Variants in ZNF250 observed in about 807,000 individuals in gnomAD.
ZNF250 encodes the protein zinc finger protein (clone 647).
Under a neutral mutation model 37.1 loss-of-function variants are expected in ZNF250, and 13 were observed. The observed-to-expected ratio is 0.35, with a 90% CI of 0.23 to 0.56. ZNF250 has a LOEUF of 0.56. ZNF250 is among the 20% of genes least tolerant of loss of function. The pLI, the probability that ZNF250 is intolerant of heterozygous loss-of-function variation, is 0.87. For missense variants in ZNF250, 474 were observed against 697.9 expected (o/e 0.68, Z 3.61); for synonymous variants, 251 against 265.6 (o/e 0.94, Z 0.54).
At chr8:144,893,020 C>T (rs1202041576) in intron 1 of ZNF250, among the ~76,000 whole-genome samples, 5 of 151,864 alleles carry the variant, frequency 3.3e-5, no homozygotes, top group East Asian at 1.9e-4. Flanking sequence ...CCAGCACGCT[C>T]GGCTAATTTT....
chr8:144,888,321 G>C (rs1194303812), intron 4 of ZNF250, among the ~76,000 whole-genome samples: 1 of 152,054 alleles, frequency 6.6e-6, no homozygotes, highest in Non-Finnish European at 1.5e-5. Flanking sequence ...TTCTGGCCAG[G>C]TGCAGTGGCT....
Position 144,881,304 on chromosome 8 carries a change from C to T in ZNF250, c.*211G>A, listed in dbSNP as rs1831448637. On this transcript the variant is annotated 3_prime_UTR_variant, in exon 6 of 6. Coordinates refer to ENST00000417550, the MANE Select transcript of ZNF250 (RefSeq NM_001109689.4). Reference sequence around the variant, plus strand: ...ATTGTATGATTACTCTCCAACATAACTTCAAGATGTTGAGGAAAATAAAAC... The same window carrying T: ...ATTGTATGATTACTCTCCAACATAATTTCAAGATGTTGAGGAAAATAAAAC... 1 of 596,912 alleles carries T rather than the reference C, an allele frequency of 1.7e-6. No homozygotes were observed. The highest frequency in any genetic ancestry group is 1.9e-5 in the African/African-American group (1 of 53,896). 37.0% of individuals were successfully genotyped at this position (596,912 alleles called of 1,614,324 possible).
At chr8:144,884,164 T>C (rs1831704478) in intron 5 of ZNF250, among the ~76,000 whole-genome samples, 1 of 152,238 alleles carries the variant, frequency 6.6e-6, no homozygotes, top group Non-Finnish European at 1.5e-5. Context: ...AGATCCATCA[T>C]GTTGTTGTAC....
intron 4 of ZNF250, among the ~76,000 whole-genome samples, chr8:144,887,335 A>C (rs1331212899): frequency 6.6e-6 from 1 of 151,454 alleles, no homozygotes; most frequent in Non-Finnish European, 1.5e-5. Flanking sequence ...AGTTACAAAC[A>C]GCAGGGTCAG....
rs780157204 is a variant in ZNF250 at position 144,879,357 on chromosome 8, A to G, written c.*2158T>C. 14 of 152,240 alleles carry G rather than the reference A, an allele frequency of 9.2e-5. No individual in the cohort carries two copies. Among genetic ancestry groups the G allele is most frequent in the Non-Finnish European group, 2.1e-4 (14 of 68,052 alleles). 9.4% of individuals were successfully genotyped at this position (152,240 alleles called of 1,614,324 possible). ...AATTCACTGTTGTCAGTGTCTGTAC[A>G]TAGAAGGGGGAACAAGCTTTTGTCT... On this transcript the variant is annotated 3_prime_UTR_variant, in exon 6 of 6. Transcript: ENST00000417550.
chr8:144,895,085 T>C (rs1187578618), intron 1 of ZNF250: 1 of 152,198 alleles, frequency 6.6e-6, no homozygotes, highest in African/African-American at 2.4e-5. Flanking sequence ...CTCATACTCT[T>C]AAGAAGGCGA....
At chr8:144,901,491 C>T (rs1351142720), upstream of ZNF250, 1 of 152,388 alleles carries the variant, frequency 6.6e-6, no homozygotes, top group Non-Finnish European at 1.5e-5. This position sits in a 1 kb window ranked among gnomAD's most constrained non-coding sequence, Gnocchi z 5.4. Context: ...GCCGCCAATC[C>T]CTGGGGGCTC....
At chr8:144,886,979 G>T in intron 4 of ZNF250, 77 bp from the exon 5 acceptor site, 2 of 1,315,754 alleles carry the variant, frequency 1.5e-6, no homozygotes, top group Non-Finnish European at 2.2e-6. Flanking sequence ...GGGCATGGTG[G>T]CTCACGTCTG....
Position 144,890,175 on chromosome 8 carries a change from T to C in ZNF250, c.43-116A>G. 1 of 1,526,368 alleles carries C rather than the reference T, an allele frequency of 6.6e-7. No individual in the cohort carries two copies. Among genetic ancestry groups the C allele is most frequent in the Non-Finnish European group, 8.9e-7 (1 of 1,122,142 alleles). 94.6% of individuals were successfully genotyped at this position (1,526,368 alleles called of 1,614,324 possible). ...CAGTGGGGGGCTCTGTGAGCTGAGG[T>C]GGGTGATGGGAAGGGGCCGCGGAGT... On this transcript the variant is annotated intron_variant, in intron 2 of 5. Coordinates refer to ENST00000417550, the MANE Select transcript of ZNF250 (RefSeq NM_001109689.4). This position sits in a 1 kb window ranked among gnomAD's most constrained non-coding sequence, Gnocchi z 5.1.
rs536636262 is a variant in ZNF250 at position 144,883,544 on chromosome 8, C to T, written c.347-708G>A. ...TAGTAGAGATGGGGTTTTATCGTGTCGGCCAGACTGGTCTTGAACTCTTGA... is the reference window on the plus strand; with the variant it reads ...TAGTAGAGATGGGGTTTTATCGTGTTGGCCAGACTGGTCTTGAACTCTTGA... On this transcript the variant is annotated intron_variant, in intron 5 of 5. Coordinates refer to ENST00000417550, the MANE Select transcript of ZNF250 (RefSeq NM_001109689.4). 1.5e-4 allele frequency among the ~76,000 whole-genome samples: 23 copies of T among 152,056 alleles called. No homozygotes were observed. In the South Asian group the frequency reaches 3.3e-3, roughly 22 times the overall value.
intron 1 of ZNF250, among the ~76,000 whole-genome samples, chr8:144,893,733 G>A (rs1303361739): frequency 6.6e-6 from 1 of 152,174 alleles, no homozygotes. Context: ...CACCTGGGCT[G>A]TGACTCAATG....
chr8:144,885,720 T>G (rs1349948154), intron 5 of ZNF250, among the ~76,000 whole-genome samples: 1 of 152,158 alleles, frequency 6.6e-6, no homozygotes, highest in Admixed American at 6.5e-5. Context: ...TAGTTCTTTC[T>G]TTTTTTAATG....
chr8:144,877,776 TA>T lies in ZNF250; in HGVS notation c.*3738del, dbSNP rs2129638940. 1 of 152,320 alleles carries T rather than the reference TA, an allele frequency of 6.6e-6. No homozygotes were observed. The highest frequency in any genetic ancestry group is 1.5e-5 in the Non-Finnish European group (1 of 68,024). The allele number at this position is 152,320 out of a possible 1,614,324, so 9.4% of individuals were successfully genotyped here. ...CATTTTAAGAATGCAGGAAAAAAAC[TA>T]TACTTTTTGGAAGGATTTCCCTGAA... On this transcript the variant is annotated 3_prime_UTR_variant, in exon 6 of 6. Transcript: ENST00000417550.
chr8:144,892,498 T>C (rs182348468), intron 1 of ZNF250, among the ~76,000 whole-genome samples: 1 of 152,200 alleles, frequency 6.6e-6, no homozygotes, highest in East Asian at 1.9e-4. Context: ...AGGAAATCAG[T>C]GGTTCCTTTA....
chr8:144,884,283 AC>A (rs755322227), intron 5 of ZNF250, among the ~76,000 whole-genome samples: 1 of 152,124 alleles, frequency 6.6e-6, no homozygotes, highest in Non-Finnish European at 1.5e-5. Flanking sequence ...ACGGAGTCTT[AC>A]CCTGTCGCCC....
Position 144,878,679 on chromosome 8 carries a change from C to T in ZNF250, c.*2836G>A, listed in dbSNP as rs564607050. On this transcript the variant is annotated 3_prime_UTR_variant, in exon 6 of 6. Coordinates refer to ENST00000417550, the MANE Select transcript of ZNF250 (RefSeq NM_001109689.4). ...CCGATGGTACAATATAGTGATTTCA[C>T]TTCCTTTATGAAATAGCACTCAGTG... 2 of 152,252 alleles carry T rather than the reference C, an allele frequency of 1.3e-5. No homozygotes were observed. The highest frequency in any genetic ancestry group is 4.1e-4 in the South Asian group (2 of 4,826). 9.4% of individuals were successfully genotyped at this position (152,252 alleles called of 1,614,324 possible).
chr8:144,890,028 A>G lies in ZNF250; in HGVS notation c.74T>C (p.Leu25Pro). 1 of 1,613,124 alleles carries G rather than the reference A, an allele frequency of 6.2e-7. No homozygotes were observed. Among genetic ancestry groups the G allele is most frequent in the Non-Finnish European group, 8.5e-7 (1 of 1,179,558 alleles). The change falls in exon 3 of 6, where the codon CTC becomes CCC. Residue 25 changes from leucine to proline, a missense_variant. By Grantham distance (98) the Leu-to-Pro change is moderately conservative. Around this residue, in one of 2 missense-constraint regions of ZNF250, gnomAD observed 192 missense variants for 227.5 expected, o/e 0.84. Transcript: ENST00000417550. This position sits in a 1 kb window ranked among gnomAD's most constrained non-coding sequence, Gnocchi z 5.1. ...GCGGTCCCATTCATCCTGGGAGAGG[A>G]GCACAGCCACATCCTCGAAGGTCAG... The part of the protein sequence containing the change: ...AKLTFEDVAV[L>P]LSQDEWDRLC...
chr8:144,894,009 C>T (rs1210859166), intron 1 of ZNF250, among the ~76,000 whole-genome samples: 1 of 152,118 alleles, frequency 6.6e-6, no homozygotes, highest in Non-Finnish European at 1.5e-5. Flanking sequence ...TTTTGGTACA[C>T]TTGAGCTCGT....
chr8:144,899,158 T>C (rs1176463213), intron 1 of ZNF250, among the ~76,000 whole-genome samples: 1 of 152,060 alleles, frequency 6.6e-6, no homozygotes, highest in Non-Finnish European at 1.5e-5. Context: ...TTTTCACTCG[T>C]ATGTGTGAGT....
Sources: gnomAD v4.1 joint callset for allele counts (sites outside exome capture counted in the v4.1 genomes callset) on GRCh38, gnomAD v4.1.1 for gene constraint, gnomAD v4.1.1 regional missense constraint, Gnocchi (gnomAD v3.1) non-coding constraint, MANE v1.5 for transcripts, NCBI Gene and HGNC (gene_info 2026-07-23, HGNC 2026-07-21) for gene names.